Variants in ZNF559 observed in about 807,000 individuals in gnomAD.
The protein encoded by ZNF559 is zinc finger protein 559, also known as putative protein product of Nbla00121.
In ZNF559, 17 loss-of-function variants were observed where a neutral mutation model predicts 14.2. That is an observed-to-expected ratio of 1.20 (90% CI 0.82 to 1.80). ZNF559 has a LOEUF of 1.80. ZNF559 is among the 40% of genes most tolerant of loss of function. ZNF559 has a pLI of 0.00. For synonymous variants in ZNF559, 244 were observed against 212.4 expected (o/e 1.15, Z -1.29); for missense variants, 740 against 629.7 (o/e 1.18, Z -1.88).
At chr19:9,325,847 C>G (rs919061284) in intron 2 of ZNF559, among the ~76,000 whole-genome samples, 3 of 151,464 alleles carry the variant, frequency 2.0e-5, no homozygotes, top group African/African-American at 7.3e-5. Context: ...AGATTTGTTT[C>G]ATTTTTTTGT....
chr19:9,324,323 C>T (rs1194901409), intron 1 of ZNF559, 95 bp downstream of exon 1: 5 of 1,531,704 alleles, frequency 3.3e-6, no homozygotes, highest in Non-Finnish European at 4.4e-6. Flanking sequence ...TGAAATGGAG[C>T]CTGTCCCGTG....
chr19:9,337,304 A>G (rs1049102604), intron 2 of ZNF559, among the ~76,000 whole-genome samples: 2 of 152,344 alleles, frequency 1.3e-5, no homozygotes, highest in Admixed American at 1.3e-4. Flanking sequence ...TGGTCACACT[A>G]GTATAGTTTG....
intron 2 of ZNF559, among the ~76,000 whole-genome samples, chr19:9,336,630 T>C (rs143346865): frequency 1.1e-3 from 172 of 152,288 alleles, no homozygotes; most frequent in Non-Finnish European, 1.8e-3. Context: ...GTGTTTATTA[T>C]CTGCTTAGCC....
chr19:9,337,749 G>T, intron 2 of ZNF559, 47 bp from the exon 3 acceptor site: 1 of 1,324,848 alleles, frequency 7.5e-7, no homozygotes. Context: ...TGTCCACGTG[G>T]CATAATACTC....
At chr19:9,331,316 T>G (rs903629785) in intron 2 of ZNF559, among the ~76,000 whole-genome samples, 6 of 152,190 alleles carry the variant, frequency 3.9e-5, no homozygotes, top group African/African-American at 1.2e-4. Context: ...TCAGGTGGGA[T>G]GCAAGTGATT....
chr19:9,343,388 G>A lies in ZNF559; in HGVS notation c.*320G>A, dbSNP rs538416410. 2 of 1,112,080 alleles carry A rather than the reference G, an allele frequency of 1.8e-6. No homozygotes were observed. Among genetic ancestry groups the A allele is most frequent in the South Asian group, 5.6e-5 (2 of 35,408 alleles). The allele number at this position is 1,112,080 out of a possible 1,614,324, so 68.9% of individuals were successfully genotyped here. On this transcript the variant is annotated 3_prime_UTR_variant, in exon 7 of 7. Coordinates refer to ENST00000603380, the MANE Select transcript of ZNF559 (RefSeq NM_032497.3). ...TGCTGGAGAGAAATGCTATGAATGT[G>A]AGGAAGGTGGAAAAGCTTTCATTAT...
chr19:9,340,730 C>T (rs4804104), intron 5 of ZNF559, among the ~76,000 whole-genome samples: 136 of 76,142 alleles, frequency 1.8e-3, no homozygotes, highest in Non-Finnish European at 3.3e-3. Flanking sequence ...CCTTGCCTGG[C>T]TAATTTTTTT....
rs2067661230 is a variant in ZNF559, at chr19:9,343,325, T to A, written c.*257T>A. On this transcript the variant is annotated 3_prime_UTR_variant, in exon 7 of 7. Transcript: ENST00000603380. ...GGAAACAAACTGAACGTAGGAAACC[T>A]GTCGATGCTTACATCTTACTGAGTC... is the stretch of plus-strand genomic sequence containing the variant. 2 of 1,248,142 alleles carry A rather than the reference T, an allele frequency of 1.6e-6. No homozygotes were observed. Among genetic ancestry groups the A allele is most frequent in the African/African-American group, 3.0e-5 (2 of 66,164 alleles). 77.3% of individuals were successfully genotyped at this position (1,248,142 alleles called of 1,614,324 possible). A position where few individuals can be genotyped will look rare whatever the true frequency, so the allele number is the denominator to read the frequency against.
At position 9,342,433 on chromosome 19, in the gene ZNF559, A is replaced by G; in HGVS notation, c.982A>G (p.Asn328Asp). 6.2e-7 allele frequency: 1 copy of G among 1,614,222 alleles called. No homozygotes were observed. The highest frequency in any genetic ancestry group is 8.5e-7 in the Non-Finnish European group (1 of 1,180,042). ...VHTGEKPYEC[N>D]KCGKAFTDSS... ...CACTGGAGAAAAACCGTATGAGTGCAACAAATGTGGGAAAGCCTTCACTGA... is the reference window on the plus strand; with the variant it reads ...CACTGGAGAAAAACCGTATGAGTGCGACAAATGTGGGAAAGCCTTCACTGA... The change falls in exon 7 of 7, where the codon AAC (asparagine) becomes GAC (aspartate). Residue 328 changes from asparagine to aspartate, a missense_variant. Physicochemically the swap from Asn to Asp is conservative, Grantham distance 23. Coordinates refer to ENST00000603380, the MANE Select transcript of ZNF559 (RefSeq NM_032497.3).
chr19:9,324,219 G>A lies in ZNF559; in HGVS notation c.-215G>A, dbSNP rs746448806. The A allele has an allele frequency of 5.2e-6, 8 of 1,536,090 alleles. No homozygotes were observed. The Middle Eastern group carries it at 1.2e-3, about 224-fold the overall frequency. ...GCCATCTTAACAGCGCGTTCCCGTT[G>A]GCGTCTGAGGTAAGTTTTTGTTTCT... On this transcript the variant is annotated 5_prime_UTR_variant, in exon 1 of 7. An upstream open reading frame in the 5' UTR gains an earlier in-frame stop. Coordinates refer to ENST00000603380, the MANE Select transcript of ZNF559 (RefSeq NM_032497.3).
At chr19:9,341,326 C>A in intron 6 of ZNF559, 142 bp downstream of exon 6, 1 of 851,386 alleles carries the variant, frequency 1.2e-6, no homozygotes, top group Non-Finnish European at 2.0e-6. Flanking sequence ...CTTGGAGAGA[C>A]TATGGATCAT....
At position 9,338,494 on chromosome 19, in the gene ZNF559, A is replaced by T. The variant is rs1233265536; in HGVS notation, c.-56A>T. The T allele has an allele frequency of 4.3e-6, 7 of 1,612,120 alleles. No homozygotes were observed. Among genetic ancestry groups the T allele is most frequent in the Non-Finnish European group, 5.1e-6 (6 of 1,178,558 alleles). On this transcript the variant is annotated splice_region_variant and 5_prime_UTR_variant, in exon 4 of 7. Transcript: ENST00000603380. ...TCAGATTTTATTTCTTCTTCTTAAG[A>T]TCATCTTTCTCAAGATGTTTTCTGT...
At position 9,324,182 on chromosome 19, in the gene ZNF559, C is replaced by T. The variant is rs909075249; in HGVS notation, c.-252C>T. 2.0e-6 allele frequency: 3 copies of T among 1,535,954 alleles called. No individual in the cohort carries two copies. In the South Asian group the frequency reaches 3.6e-5, roughly 18 times the overall value. ...CGCGGCGTGTCTGCGTGGGCGCATG[C>T]GCATAACGGCCGCCATCTTAACAGC... On this transcript the variant is annotated 5_prime_UTR_variant, in exon 1 of 7. Coordinates refer to ENST00000603380, the MANE Select transcript of ZNF559 (RefSeq NM_032497.3).
rs1457562339 is a variant in ZNF559, at chr19:9,343,044, C to T, written c.1593C>T (p.Ser531=). 1.2e-6 allele frequency: 2 copies of T among 1,612,370 alleles called. No individual in the cohort carries two copies. The highest frequency in any genetic ancestry group is 1.7e-6 in the Non-Finnish European group (2 of 1,179,166). The change falls in exon 7 of 7, where the codon TCC becomes TCT. Residue 531 remains serine, a synonymous_variant. Transcript: ENST00000603380. ...YKECGQTFSN[S]SCLTECV ...AATGTGGGCAAACCTTTAGTAATTC[C>T]TCATGCCTTACTGAATGTGTGTGAA...
chr19:9,342,207 G>A lies in ZNF559; in HGVS notation c.756G>A (p.Glu252=). ...ECKACGKPFT[E]SSYLTQHLRT... ...AAGCATGTGGGAAACCCTTCACTGA[G>A]TCGTCATATCTTACTCAACATTTAA... is the stretch of plus-strand genomic sequence containing the variant. The change falls in exon 7 of 7, where the codon GAG becomes GAA. Residue 252 remains glutamate, a synonymous_variant. Coordinates refer to ENST00000603380, the MANE Select transcript of ZNF559 (RefSeq NM_032497.3). 1 of 1,600,354 alleles carries A rather than the reference G, an allele frequency of 6.2e-7. No individual in the cohort carries two copies. The highest frequency in any genetic ancestry group is 8.5e-7 in the Non-Finnish European group (1 of 1,175,446).
intron 2 of ZNF559, among the ~76,000 whole-genome samples, chr19:9,337,341 A>G (rs1036490287): frequency 1.3e-5 from 2 of 152,238 alleles, no homozygotes; most frequent in South Asian, 2.1e-4. Context: ...ATAGAAAAAT[A>G]TACACTTACC....
Position 9,339,326 on chromosome 19 carries a change from C to T in ZNF559, c.160+7C>T. The T allele has an allele frequency of 3.7e-6, 6 of 1,601,346 alleles. No individual in the cohort carries two copies. The highest frequency in any genetic ancestry group is 5.1e-6 in the Non-Finnish European group (6 of 1,173,412). ...AAGAATCTAGTTGCAGTAGGTAAGG[C>T]TGGTACCATTCTTTTCATTTAGTTT... On this transcript the variant is annotated splice_region_variant and intron_variant, in intron 5 of 6. Transcript: ENST00000603380.
chr19:9,339,433 T>A (rs963294830), intron 5 of ZNF559, 114 bp downstream of exon 5: 1 of 1,247,324 alleles, frequency 8.0e-7, no homozygotes, highest in Non-Finnish European at 1.1e-6. Flanking sequence ...AGGCGAAACA[T>A]TGTTTCCATC....
chr19:9,344,510 G>A lies in ZNF559; in HGVS notation c.*1442G>A, dbSNP rs1304263002. On this transcript the variant is annotated 3_prime_UTR_variant, in exon 7 of 7. Coordinates refer to ENST00000603380, the MANE Select transcript of ZNF559 (RefSeq NM_032497.3). ...ATAAATAAGATTAACTGGGTGTACTGGTTTGTGCCTATAGTCCCAGCTATT... is the reference window on the plus strand; with the variant it reads ...ATAAATAAGATTAACTGGGTGTACTAGTTTGTGCCTATAGTCCCAGCTATT... 1 of 152,160 alleles carries A rather than the reference G, an allele frequency of 6.6e-6. No homozygotes were observed. The allele number at this position is 152,160 out of a possible 1,614,324, so 9.4% of individuals were successfully genotyped here. A position where few individuals can be genotyped will look rare whatever the true frequency, so the allele number is the denominator to read the frequency against.
Sources: gnomAD v4.1 joint callset for allele counts (sites outside exome capture counted in the v4.1 genomes callset) on GRCh38, gnomAD v4.1.1 for gene constraint, MANE v1.5 for transcripts, NCBI Gene and HGNC (gene_info 2026-07-23, HGNC 2026-07-21) for gene names.